Variants in PDE6A observed in about 807,000 individuals in gnomAD.
PDE6A encodes phosphodiesterase 6A.
Under a neutral mutation model 106.3 loss-of-function variants are expected in PDE6A, and 84 were observed. The ratio of observed to expected loss-of-function variants is 0.79; its 90% CI spans 0.66 to 0.95. The LOEUF (loss-of-function observed/expected upper bound fraction) is 0.95. PDE6A is among the 40% of genes least tolerant of loss of function. The probability of loss-of-function intolerance (pLI) is 0.00; values close to 1 mark genes in which losing one functional copy is unlikely to be tolerated. For synonymous variants in PDE6A, 394 were observed against 386.6 expected (o/e 1.02, Z -0.23); for missense variants, 1,052 against 1,084.9 (o/e 0.97, Z 0.43).
chr5:149,894,418 G>C (rs946241432), intron 13 of PDE6A, among the ~76,000 whole-genome samples: 1 of 152,060 alleles, frequency 6.6e-6, no homozygotes, highest in African/African-American at 2.4e-5. Flanking sequence ...GAGGCATCTC[G>C]AATGGTGAAT....
chr5:149,912,170 T>C (rs895336043), intron 6 of PDE6A, among the ~76,000 whole-genome samples: 1 of 152,170 alleles, frequency 6.6e-6, no homozygotes, highest in South Asian at 2.1e-4. Flanking sequence ...ACAGTGGCTA[T>C]TCACAGGTGC....
chr5:149,874,384 G>A (rs1383850303), intron 17 of PDE6A, among the ~76,000 whole-genome samples: 1 of 152,082 alleles, frequency 6.6e-6, no homozygotes, highest in East Asian at 1.9e-4. Context: ...AAATCTCAGG[G>A]AAACACTTTA....
intron 17 of PDE6A, among the ~76,000 whole-genome samples, chr5:149,879,659 AGTGAGAATATGTGGT>A (rs1326902061): frequency 7.1e-6 from 1 of 140,380 alleles, no homozygotes; most frequent in Non-Finnish European, 1.5e-5. Flanking sequence ...CCCACCTATG[AGTGAGAATATGTGGT>A]GTTTGGTTTT....
chr5:149,888,402 T>A (rs80350880), intron 13 of PDE6A, among the ~76,000 whole-genome samples: 5,121 of 150,850 alleles, frequency 0.034, 121 homozygotes, highest in East Asian at 0.065. Flanking sequence ...GGGTTAAGAA[T>A]TCTAATTAAT....
At chr5:149,891,482 T>C (rs1752542646) in intron 13 of PDE6A, among the ~76,000 whole-genome samples, 1 of 151,926 alleles carries the variant, frequency 6.6e-6, no homozygotes, top group African/African-American at 2.4e-5. Flanking sequence ...AATAAATAAA[T>C]AAGTAGAATT....
In PDE6A at chr5:149,869,831, G is replaced by A. The variant is rs558191911; in HGVS notation, c.2136-1673C>T. ...GGCTGCGGCGGGGTGAGACCAATGG[G>A]CAGGAACTGGGGAGAGGGAGGAGTG... On this transcript the variant is annotated intron_variant, in intron 17 of 21. Transcript: ENST00000255266. Among the ~76,000 whole-genome samples the A allele has an allele frequency of 3.8e-4, 58 of 152,294 alleles. 1 individual carries two copies. The South Asian group carries it at 8.7e-3, about 23-fold the overall frequency.
chr5:149,942,465 G>A (rs144519903), intron 1 of PDE6A, among the ~76,000 whole-genome samples: 268 of 152,258 alleles, frequency 1.8e-3, no homozygotes, highest in African/African-American at 6.2e-3. Context: ...CTGACCACAG[G>A]TGTGAACTGA....
At position 149,918,301 on chromosome 5, in the gene PDE6A, T is replaced by C. The variant is rs75470126; in HGVS notation, c.934-3294A>G. Reference sequence around the variant, plus strand: ...GACACCACACGTTTCCAGAGCAAGATTGCTGTGCCTGTGCTGAAAGGGAAA... The same window carrying C: ...GACACCACACGTTTCCAGAGCAAGACTGCTGTGCCTGTGCTGAAAGGGAAA... On this transcript the variant is annotated intron_variant, in intron 5 of 21. Transcript: ENST00000255266. Among the ~76,000 whole-genome samples the C allele has an allele frequency of 3.5e-3, 533 of 152,290 alleles. 4 individuals carry two copies. The highest frequency in any genetic ancestry group is 0.012 in the African/African-American group (509 of 41,548).
chr5:149,933,487 T>C (rs1754101187), intron 3 of PDE6A, among the ~76,000 whole-genome samples: 1 of 152,092 alleles, frequency 6.6e-6, no homozygotes, highest in Non-Finnish European at 1.5e-5. Flanking sequence ...ACTGGCTGCT[T>C]TACATTGGGT....
chr5:149,860,881 C>T lies in PDE6A; in HGVS notation c.*14G>A. On this transcript the variant is annotated 3_prime_UTR_variant, in exon 22 of 22. Transcript: ENST00000255266. The stretch of plus-strand genomic sequence containing the variant: ...AAAGGGTGGTGCCGTCCAGCCAGCA[C>T]ATCCCCAGTGGTGTTACTGGATGCA... 1 of 1,610,994 alleles carries T rather than the reference C, an allele frequency of 6.2e-7. No homozygotes were observed. The highest frequency in any genetic ancestry group is 8.5e-7 in the Non-Finnish European group (1 of 1,177,152).
At chr5:149,875,004 C>T (rs890480528) in intron 17 of PDE6A, among the ~76,000 whole-genome samples, 1 of 152,040 alleles carries the variant, frequency 6.6e-6, no homozygotes, top group Non-Finnish European at 1.5e-5. Context: ...TGAGGTCACA[C>T]CACCAATAAA....
chr5:149,880,210 G>A (rs1312238996), intron 17 of PDE6A, among the ~76,000 whole-genome samples: 1 of 150,272 alleles, frequency 6.7e-6, no homozygotes, highest in Non-Finnish European at 1.5e-5. Flanking sequence ...AATAAAGCAG[G>A]GTTTTTTTGT....
rs117508224 is a variant in PDE6A, at chr5:149,895,009, A to T, written c.1728+174T>A. Among the ~76,000 whole-genome samples, 182 of 152,260 alleles carry T rather than the reference A, an allele frequency of 1.2e-3. 7 individuals are homozygous for T. The East Asian group carries it at 0.034, about 29-fold the overall frequency. On this transcript the variant is annotated intron_variant, in intron 13 of 21. Transcript: ENST00000255266. ...AGCTTTCTTTCACTTTTTATTTTATATGCATCTCTATTCTTGGAATCCTTT... is the reference window on the plus strand; with the variant it reads ...AGCTTTCTTTCACTTTTTATTTTATTTGCATCTCTATTCTTGGAATCCTTT...
intron 6 of PDE6A, 66 bp from the exon 7 acceptor site, chr5:149,907,444 T>C: frequency 7.5e-7 from 1 of 1,341,212 alleles, no homozygotes; most frequent in Middle Eastern, 1.8e-4. Flanking sequence ...GACTAAAATC[T>C]GGGTGTTTGC....
Position 149,887,302 on chromosome 5 carries a change from G to A in PDE6A, c.1729-928C>T, listed in dbSNP as rs141675719. On this transcript the variant is annotated intron_variant, in intron 13 of 21. Coordinates refer to ENST00000255266, the MANE Select transcript of PDE6A (RefSeq NM_000440.3). ...ATGTTAAGTGAAATATGCCAGACAC[G>A]AAAGGACGAATACTGTATGATTTCA... 2.1e-4 allele frequency among the ~76,000 whole-genome samples: 32 copies of A among 152,276 alleles called. No homozygotes were observed. The South Asian group carries it at 4.2e-3, about 20-fold the overall frequency.
chr5:149,943,085 T>C (rs1754365099), intron 1 of PDE6A, among the ~76,000 whole-genome samples: 1 of 152,038 alleles, frequency 6.6e-6, no homozygotes, highest in South Asian at 2.1e-4. Context: ...TCCCTTCCCA[T>C]GAGGCCATAT....
At chr5:149,896,887 CAA>C in intron 10 of PDE6A, 111 bp from the exon 11 acceptor site, 1 of 1,176,114 alleles carries the variant, frequency 8.5e-7, no homozygotes, top group East Asian at 2.3e-5. Context: ...ACCACCAGCT[CAA>C]AGAGGATTCC....
intron 4 of PDE6A, among the ~76,000 whole-genome samples, chr5:149,926,631 A>C (rs147978019): frequency 6.6e-6 from 1 of 152,212 alleles, no homozygotes; most frequent in Non-Finnish European, 1.5e-5. Flanking sequence ...AAGATTGATA[A>C]ATTGAACTAC....
chr5:149,932,756 C>T (rs1266258566), intron 3 of PDE6A: 4 of 1,115,312 alleles, frequency 3.6e-6, no homozygotes, highest in South Asian at 1.4e-5. Context: ...GGCTTCTGTG[C>T]TTCATATTAA....
Sources: allele counts gnomAD v4.1 joint callset (sites outside exome capture counted in the v4.1 genomes callset), GRCh38; gene constraint gnomAD v4.1.1; transcripts MANE v1.5; gene names NCBI Gene and HGNC (gene_info 2026-07-23, HGNC 2026-07-21).